Variants in CABLES1 observed in about 807,000 individuals in gnomAD.
CABLES1 encodes the protein Cdk5 and Abl enzyme substrate 1, also known as CDK5 and ABL1 enzyme substrate 1.
A neutral mutation model predicts 57.8 loss-of-function variants in CABLES1; 36 were observed. That is an observed-to-expected ratio of 0.62 (90% CI 0.48 to 0.82). CABLES1 has a LOEUF of 0.82. Among genes scored for constraint, CABLES1 ranks in the 40% least tolerant of loss-of-function variants. The pLI is 0.00. For missense variants in CABLES1, 767 were observed against 836.6 expected (o/e 0.92, Z 1.03); for synonymous variants, 374 against 363.0 (o/e 1.03, Z -0.35).
chr18:23,257,966 T>TG lies in CABLES1; in HGVS notation c.*602dup, dbSNP rs2048206764. 6.6e-6 allele frequency: 1 copy of TG among 152,232 alleles called. No individual in the cohort carries two copies. The highest frequency in any genetic ancestry group is 2.4e-5 in the African/African-American group (1 of 41,468). The allele number at this position is 152,232 out of a possible 1,614,324, so 9.4% of individuals were successfully genotyped here. A position where few individuals can be genotyped will look rare whatever the true frequency, so the allele number is the denominator to read the frequency against. ...CAGAGCAGCCCTTAGCCTGGGGCCATGGGTCAGGCTGACCTTCAACAATTA... is the reference window on the plus strand; with the variant it reads ...CAGAGCAGCCCTTAGCCTGGGGCCATGGGGTCAGGCTGACCTTCAACAATTA... On this transcript the variant is annotated 3_prime_UTR_variant, in exon 10 of 10. Transcript: ENST00000256925.
intron 9 of CABLES1, 95 bp downstream of exon 9, chr18:23,254,031 AT>A: frequency 1.2e-5 from 12 of 1,017,500 alleles, no homozygotes; most frequent in Non-Finnish European, 1.8e-5. Context: ...GCCTGGAAGG[AT>A]TCTGATCCTT....
At chr18:23,241,002 C>T (rs997917587) in intron 7 of CABLES1, among the ~76,000 whole-genome samples, 2 of 152,240 alleles carry the variant, frequency 1.3e-5, no homozygotes, top group African/African-American at 4.8e-5. Flanking sequence ...AGATATAGAG[C>T]ATTTCTGTCC....
rs895855617 is a variant in CABLES1, at chr18:23,257,257, C to T, written c.1792C>T (p.Arg598Ter). The change falls in exon 10 of 10, where the codon CGA (arginine) becomes TGA (stop). Residue 598 changes from arginine to a stop codon, truncating the protein, a stop_gained. Transcript: ENST00000256925. LOFTEE classifies it high-confidence loss of function. ...GGAAGAGAAGTTCCGGCTGAACAGG[C>T]GAGAACTGATTGCCTTTGAATTCCC... is the stretch of plus-strand genomic sequence containing the variant. ...KLEEKFRLNRRELIAFEFPVL... is the reference protein window; with the variant it reads ...KLEEKFRLNR 9 of 1,611,540 alleles carry T rather than the reference C, an allele frequency of 5.6e-6. No individual in the cohort carries two copies. The highest frequency in any genetic ancestry group is 7.6e-6 in the Non-Finnish European group (9 of 1,179,440).
chr18:23,136,866 G>C (rs2046826567), intron 1 of CABLES1, among the ~76,000 whole-genome samples: 1 of 152,246 alleles, frequency 6.6e-6, no homozygotes, highest in Non-Finnish European at 1.5e-5. Context: ...TCGGGAATTG[G>C]GAGTTGCAGG....
chr18:23,260,158 A>G lies in CABLES1; in HGVS notation c.*2791A>G, dbSNP rs2048260667. ...CCCTCCAGGGGCCCGAGCCCTTGCC[A>G]GCCCAATGACACCTTGAAGTCACCA... is the stretch of plus-strand genomic sequence containing the variant. On this transcript the variant is annotated 3_prime_UTR_variant, in exon 10 of 10. Coordinates refer to ENST00000256925, the MANE Select transcript of CABLES1 (RefSeq NM_001100619.3). 6.6e-6 allele frequency: 1 copy of G among 152,230 alleles called. No individual in the cohort carries two copies. The allele number at this position is 152,230 out of a possible 1,614,324, so 9.4% of individuals were successfully genotyped here.
chr18:23,245,866 T>G (rs2047864641), intron 7 of CABLES1, among the ~76,000 whole-genome samples: 1 of 152,260 alleles, frequency 6.6e-6, no homozygotes, highest in Non-Finnish European at 1.5e-5. Flanking sequence ...CACAACTGCC[T>G]GCTGCAGGGT....
chr18:23,237,412 A>C (rs1294083924), intron 7 of CABLES1, among the ~76,000 whole-genome samples, 167 bp downstream of exon 7: 5 of 152,210 alleles, frequency 3.3e-5, no homozygotes, highest in Non-Finnish European at 5.9e-5. Flanking sequence ...CCTGTCCAGA[A>C]TCCTGCTGGC....
chr18:23,256,466 C>A (rs1036099219), intron 9 of CABLES1, among the ~76,000 whole-genome samples: 1 of 152,136 alleles, frequency 6.6e-6, no homozygotes, highest in African/African-American at 2.4e-5. Flanking sequence ...TATTGTCGTG[C>A]GTGGTTTGCT....
chr18:23,160,847 G>A (rs950509527), intron 1 of CABLES1, among the ~76,000 whole-genome samples: 3 of 151,958 alleles, frequency 2.0e-5, no homozygotes, highest in Non-Finnish European at 2.9e-5. Context: ...CACCCTGGAC[G>A]ACATAGTGAA....
chr18:23,237,380 C>CAAT, intron 7 of CABLES1, 135 bp downstream of exon 7: 1 of 685,728 alleles, frequency 1.5e-6, no homozygotes, highest in South Asian at 1.6e-5. Flanking sequence ...TGTGGGTGCC[C>CAAT]ACGGAAGGAC....
intron 4 of CABLES1, among the ~76,000 whole-genome samples, chr18:23,225,453 C>T (rs1451432049): frequency 6.6e-6 from 1 of 150,880 alleles, no homozygotes; most frequent in African/African-American, 2.4e-5. Context: ...TTTCTTAATG[C>T]ATACACTTTA....
In CABLES1 at chr18:23,135,797, C is replaced by T. The variant is rs1026860616; in HGVS notation, c.35C>T (p.Ala12Val). Reference protein sequence around the residue: ...AAAAAAATTAACSSGSAGTDA... With the variant: ...AAAAAAATTAVCSSGSAGTDA... ...GCGGCGGCGGCCGCCACCACGGCCG[C>T]CTGCAGCAGCGGCAGCGCCGGCACC... Residue 12 changes from alanine to valine, a missense_variant, in exon 1 of 10, where the codon GCC (alanine) becomes GTC (valine). Ala to Val is a moderately conservative substitution (Grantham distance 64). Transcript: ENST00000256925. 2.0e-6 allele frequency: 2 copies of T among 978,696 alleles called. No homozygotes were observed. Among genetic ancestry groups the T allele is most frequent in the South Asian group, 4.6e-5 (1 of 21,684 alleles). The allele number at this position is 978,696 out of a possible 1,614,324, so 60.6% of individuals were successfully genotyped here. A position where few individuals can be genotyped will look rare whatever the true frequency, so the allele number is the denominator to read the frequency against.
intron 1 of CABLES1, among the ~76,000 whole-genome samples, chr18:23,160,696 A>G (rs1321013256): frequency 2.0e-5 from 3 of 152,186 alleles, no homozygotes; most frequent in East Asian, 1.9e-4. Flanking sequence ...GGGTTTTTAA[A>G]TAAAAACTGG....
At chr18:23,234,863 G>A (rs1024339539) in intron 5 of CABLES1, among the ~76,000 whole-genome samples, 159 bp downstream of exon 5, 2 of 152,234 alleles carry the variant, frequency 1.3e-5, no homozygotes, top group African/African-American at 2.4e-5. Flanking sequence ...CTCCCCTAGT[G>A]TGCAGCCGGT....
At chr18:23,179,372 C>T (rs2047147939) in intron 1 of CABLES1, among the ~76,000 whole-genome samples, 1 of 152,186 alleles carries the variant, frequency 6.6e-6, no homozygotes, top group Non-Finnish European at 1.5e-5. Context: ...TCCTGTCTTC[C>T]TTCCTTTACA....
rs2046819099 is a variant in CABLES1 at position 23,136,195 on chromosome 18, T to G, written c.433T>G (p.Ser145Ala). The change falls in exon 1 of 10, where the codon TCG (serine) becomes GCG (alanine). Residue 145 changes from serine (S) to alanine (A), a missense_variant. Physicochemically the swap from Ser to Ala is moderately conservative, Grantham distance 99. Coordinates refer to ENST00000256925, the MANE Select transcript of CABLES1 (RefSeq NM_001100619.3). ...GSGPCLPQPSSLPPLIPGGHA... is the reference protein window; with the variant it reads ...GSGPCLPQPSALPPLIPGGHA... ...CGGCCCCTGCCTCCCACAGCCCTCGTCGCTGCCGCCCTTGATTCCTGGCGG... is the reference window on the plus strand; with the variant it reads ...CGGCCCCTGCCTCCCACAGCCCTCGGCGCTGCCGCCCTTGATTCCTGGCGG... The G allele has an allele frequency of 1.6e-6, 2 of 1,246,472 alleles. No individual in the cohort carries two copies. Among genetic ancestry groups the G allele is most frequent in the Non-Finnish European group, 2.0e-6 (2 of 998,212 alleles). The allele number at this position is 1,246,472 out of a possible 1,614,324, so 77.2% of individuals were successfully genotyped here.
intron 1 of CABLES1, among the ~76,000 whole-genome samples, chr18:23,162,320 TTC>T (rs2144977209): frequency 6.6e-6 from 1 of 152,350 alleles, no homozygotes; most frequent in South Asian, 2.1e-4. Flanking sequence ...AAATGCTGTG[TTC>T]TCTTTAACCA....
intron 2 of CABLES1, among the ~76,000 whole-genome samples, chr18:23,191,680 A>T (rs2337030): frequency 0.078 from 11,920 of 152,280 alleles, 973 homozygotes; most frequent in Admixed American, 0.22. Context: ...ATCTTTCATT[A>T]AATTAGTTTT....
intron 1 of CABLES1, among the ~76,000 whole-genome samples, chr18:23,161,483 C>T (rs1342179249): frequency 6.6e-6 from 1 of 151,106 alleles, no homozygotes; most frequent in Non-Finnish European, 1.5e-5. Context: ...GCATCCATCC[C>T]TCCCATAGTT....
Sources: allele counts gnomAD v4.1 joint callset (sites outside exome capture counted in the v4.1 genomes callset), GRCh38; gene constraint gnomAD v4.1.1; transcripts MANE v1.5; gene names NCBI Gene and HGNC (gene_info 2026-07-23, HGNC 2026-07-21).